The following DOCK8 variants were observed in gnomAD, a reference collection of about 807,000 sequenced individuals.
DOCK8 encodes the protein dedicator of cytokinesis protein 8.
In DOCK8, 141 loss-of-function variants were observed where a neutral mutation model predicts 245.6. The ratio of observed to expected loss-of-function variants is 0.57; its 90% CI spans 0.50 to 0.66. The LOEUF (loss-of-function observed/expected upper bound fraction) is 0.66. Among genes scored for constraint, DOCK8 ranks in the 30% least tolerant of loss-of-function variants. DOCK8 has a pLI of 0.00. For missense variants in DOCK8, 2,965 were observed against 2,603.4 expected, an observed-to-expected ratio of 1.14 and a Z score of -3.02; for synonymous variants, 1,168 against 970.2, an observed-to-expected ratio of 1.20 and a Z score of -3.79.
At chr9:425,697 C>T (rs2056470738) in intron 33 of DOCK8, among the ~76,000 whole-genome samples, 1 of 147,550 alleles carries the variant, frequency 6.8e-6, no homozygotes, top group Non-Finnish European at 1.5e-5. Flanking sequence ...TTCGAGGCTT[C>T]AGTGAGCTAT....
chr9:257,594 A>G (rs2047810459), intron 1 of DOCK8, among the ~76,000 whole-genome samples: 1 of 152,162 alleles, frequency 6.6e-6, no homozygotes, highest in African/African-American at 2.4e-5. Flanking sequence ...ATCTCGGCTC[A>G]CTGCACCCTC....
intron 24 of DOCK8, among the ~76,000 whole-genome samples, chr9:393,068 A>G (rs2054274768): frequency 7.3e-6 from 1 of 136,910 alleles, no homozygotes; most frequent in Non-Finnish European, 1.5e-5. Flanking sequence ...CCTGGGCAAC[A>G]GATTGAGACC....
At chr9:452,622 C>T (rs1161901286) in intron 46 of DOCK8, 1 of 152,776 alleles carries the variant, frequency 6.5e-6, no homozygotes, top group African/African-American at 2.4e-5. Context: ...GCACTAGAGT[C>T]CCAGAGGTTC....
At chr9:432,434 G>A (rs1457828129) in intron 37 of DOCK8, 110 bp downstream of exon 37, 6 of 1,120,556 alleles carry the variant, frequency 5.4e-6, no homozygotes, top group Admixed American at 4.7e-5. Context: ...TATAACATTT[G>A]CAAGTATTTA....
chr9:237,758 G>A (rs1456874403), intron 1 of DOCK8, among the ~76,000 whole-genome samples: 3 of 152,090 alleles, frequency 2.0e-5, no homozygotes, highest in Admixed American at 6.5e-5. Context: ...ATAAGCAGCC[G>A]GGTTGTTCAG....
chr9:403,185 A>G (rs553839101), intron 26 of DOCK8, among the ~76,000 whole-genome samples: 1 of 152,222 alleles, frequency 6.6e-6, no homozygotes, highest in African/African-American at 2.4e-5. Flanking sequence ...CACCACACCC[A>G]GCCTGAAATG....
intron 46 of DOCK8, among the ~76,000 whole-genome samples, chr9:461,656 C>G (rs1009517883): frequency 6.6e-6 from 1 of 151,204 alleles, no homozygotes; most frequent in Non-Finnish European, 1.5e-5. Context: ...ATCTTCCCAC[C>G]TCAGCTTCCC....
At chr9:376,127 C>G (rs1248109143) in intron 18 of DOCK8, 83 bp from the exon 19 acceptor site, 2 of 942,922 alleles carry the variant, frequency 2.1e-6, no homozygotes, top group African/African-American at 1.6e-5. Flanking sequence ...CCTGACATTT[C>G]CAGTCAAGTT....
Position 285,082 on chromosome 9 carries a change from C to CA in DOCK8, c.157-1376dup, listed in dbSNP as rs571517441. ...TGTAACAAACCTTCACATGTACCCC[C>CA]AAACCTAAAAGTTAAAAAAAAAATC... On this transcript the variant is annotated intron_variant, in intron 2 of 47. Coordinates refer to ENST00000432829, the MANE Select transcript of DOCK8 (RefSeq NM_203447.4). Among the ~76,000 whole-genome samples, 535 of 152,092 alleles carry CA rather than the reference C, an allele frequency of 3.5e-3. 3 individuals are homozygous for CA. Among genetic ancestry groups the CA allele is most frequent in the African/African-American group, 0.013 (520 of 41,458 alleles).
At chr9:364,040 C>G (rs2052857858) in intron 14 of DOCK8, among the ~76,000 whole-genome samples, 1 of 152,118 alleles carries the variant, frequency 6.6e-6, no homozygotes, top group African/African-American at 2.4e-5. Flanking sequence ...TTAATTAATT[C>G]AAAGATGATG....
chr9:344,291 A>C (rs530517887), intron 14 of DOCK8, among the ~76,000 whole-genome samples: 1 of 152,302 alleles, frequency 6.6e-6, no homozygotes, highest in African/African-American at 2.4e-5. Context: ...AGAGATAATG[A>C]ACTTGGTTTG....
intron 34 of DOCK8, among the ~76,000 whole-genome samples, 177 bp downstream of exon 34, chr9:427,158 T>C (rs997025729): frequency 3.9e-5 from 6 of 152,242 alleles, no homozygotes; most frequent in African/African-American, 1.4e-4. Context: ...ATTCCAGAGA[T>C]ACCAAACATT....
intron 2 of DOCK8, among the ~76,000 whole-genome samples, 168 bp from the exon 3 acceptor site, chr9:286,293 A>G (rs568350225): frequency 6.6e-6 from 1 of 152,240 alleles, no homozygotes; most frequent in Admixed American, 6.5e-5. Flanking sequence ...TTTTTTCCAT[A>G]TCACTACTTC....
chr9:234,408 G>A (rs1193075330), intron 1 of DOCK8, among the ~76,000 whole-genome samples: 4 of 152,090 alleles, frequency 2.6e-5, no homozygotes, highest in Non-Finnish European at 5.9e-5. Context: ...TATCTTTGTG[G>A]CGTTCTCTGT....
At chr9:214,795 C>T (rs533817104), upstream of DOCK8, 24 of 1,576,256 alleles carry the variant, frequency 1.5e-5, no homozygotes, top group Non-Finnish European at 1.9e-5. Flanking sequence ...GTCGCTGCTC[C>T]GAGCTCGGAC....
chr9:435,758 C>T (rs934829682), intron 39 of DOCK8, among the ~76,000 whole-genome samples: 16 of 152,176 alleles, frequency 1.1e-4, no homozygotes, highest in Non-Finnish European at 7.3e-5. Context: ...TGGGGATGCT[C>T]AGTGGCCACT....
intron 4 of DOCK8, among the ~76,000 whole-genome samples, chr9:292,142 G>A (rs1342723723): frequency 2.7e-5 from 4 of 148,666 alleles, no homozygotes; most frequent in Admixed American, 6.7e-5. Flanking sequence ...AGGCCAAGAC[G>A]GGTGGATCAC....
At position 383,700 on chromosome 9, in the gene DOCK8, CAAAAAAAA is replaced by C. The variant is rs1164310899; in HGVS notation, c.2778+1033_2778+1040del. On this transcript the variant is annotated intron_variant, in intron 22 of 47. Coordinates refer to ENST00000432829, the MANE Select transcript of DOCK8 (RefSeq NM_203447.4). ...GAGCTACAAGAGTGAGACTCCGTCT[CAAAAAAAA>C]AAAAAAAAAAAAAAAAATCCCAAGG... is the stretch of plus-strand genomic sequence containing the variant. Among the ~76,000 whole-genome samples the C allele has an allele frequency of 8.6e-5, 6 of 69,920 alleles. No homozygotes were observed. The South Asian group carries it at 3.2e-3, about 38-fold the overall frequency. 45.9% of individuals were successfully genotyped at this position (69,920 alleles called of 152,430 possible). A position where few individuals can be genotyped will look rare whatever the true frequency, so the allele number is the denominator to read the frequency against.
At chr9:419,038 G>GAA (rs2056161126) in intron 30 of DOCK8, among the ~76,000 whole-genome samples, 1 of 152,164 alleles carries the variant, frequency 6.6e-6, no homozygotes, top group South Asian at 2.1e-4. Flanking sequence ...GCTCCTCTGG[G>GAA]AATGTATCCT....
Sources: gnomAD v4.1 joint callset for allele counts (sites outside exome capture counted in the v4.1 genomes callset) on GRCh38, gnomAD v4.1.1 for gene constraint, MANE v1.5 for transcripts, NCBI Gene and HGNC (gene_info 2026-07-23, HGNC 2026-07-21) for gene names.